SH3GL3: variants seen among roughly 807,000 people sequenced by gnomAD.
SH3GL3 encodes endophilin-A3.
Under a neutral mutation model 47.7 loss-of-function variants are expected in SH3GL3, and 33 were observed. The observed-to-expected ratio is 0.69, with a 90% confidence interval of 0.52 to 0.92. The LOEUF is 0.92. SH3GL3 is among the 40% of genes least tolerant of loss of function. The pLI, the probability that SH3GL3 is intolerant of heterozygous loss-of-function variation, is 0.00. For synonymous variants in SH3GL3, 155 were observed against 148.8 expected (o/e 1.04, Z -0.30); for missense variants, 363 against 417.8 (o/e 0.87, Z 1.14).
At chr15:83,615,779 ATTAT>A (rs1322561720) in intron 8 of SH3GL3, among the ~76,000 whole-genome samples, 2 of 152,204 alleles carry the variant, frequency 1.3e-5, no homozygotes, top group African/African-American at 2.4e-5. Flanking sequence ...GAAAATATGG[ATTAT>A]TTAAGTATGT....
intron 5 of SH3GL3, among the ~76,000 whole-genome samples, chr15:83,575,943 G>T (rs143661637): frequency 7.2e-5 from 11 of 152,082 alleles, no homozygotes; most frequent in African/African-American, 2.7e-4. Context: ...CTACTGCTAC[G>T]CAAGGCAGCC....
At position 83,453,510 on chromosome 15, in the gene SH3GL3, T is replaced by C. The variant is rs569554523; in HGVS notation, c.45+5932T>C. 8.7e-4 allele frequency among the ~76,000 whole-genome samples: 129 copies of C among 148,738 alleles called. 1 individual carries two copies. The South Asian group carries it at 0.018, about 21-fold the overall frequency. ...GCCTGTTATTGGTCTATTCAGAGAT[T>C]CAACTTCTTCCTGGTTTAGTCTTGG... is the stretch of plus-strand genomic sequence containing the variant. On this transcript the variant is annotated intron_variant, in intron 1 of 8. Coordinates refer to ENST00000427482, the MANE Select transcript of SH3GL3 (RefSeq NM_003027.5).
At chr15:83,492,422 A>G (rs1246533202) in intron 1 of SH3GL3, among the ~76,000 whole-genome samples, 4 of 149,136 alleles carry the variant, frequency 2.7e-5, no homozygotes, top group Non-Finnish European at 4.5e-5. Context: ...AAATACATGG[A>G]AAAAAAAAAG....
chr15:83,515,755 C>T (rs1366072498), intron 1 of SH3GL3, among the ~76,000 whole-genome samples: 2 of 152,170 alleles, frequency 1.3e-5, no homozygotes, highest in African/African-American at 4.8e-5. Context: ...AATAAAATTA[C>T]AAACCTAATA....
chr15:83,472,560 T>C (rs1341925834), intron 1 of SH3GL3, among the ~76,000 whole-genome samples: 1 of 152,220 alleles, frequency 6.6e-6, no homozygotes, highest in African/African-American at 2.4e-5. Context: ...AATTTCCATT[T>C]AGCTCTTCTT....
intron 1 of SH3GL3, among the ~76,000 whole-genome samples, chr15:83,534,635 C>G (rs571870256): frequency 7.2e-5 from 11 of 152,156 alleles, no homozygotes; most frequent in Admixed American, 5.9e-4. Flanking sequence ...TAAAAATTAA[C>G]TCCAGGTCCT....
intron 5 of SH3GL3, among the ~76,000 whole-genome samples, 155 bp from the exon 6 acceptor site, chr15:83,576,428 C>A (rs1024017909): frequency 6.6e-6 from 1 of 152,180 alleles, no homozygotes; most frequent in South Asian, 2.1e-4. Flanking sequence ...GAGCCTCCAT[C>A]AGGTGCTGAG....
intron 1 of SH3GL3, among the ~76,000 whole-genome samples, chr15:83,542,613 C>A (rs1290660999): frequency 6.6e-6 from 1 of 152,062 alleles, no homozygotes; most frequent in East Asian, 1.9e-4. Flanking sequence ...CATGAACTAT[C>A]TTTCTATTTC....
chr15:83,540,437 C>T (rs903817620), intron 1 of SH3GL3, among the ~76,000 whole-genome samples: 27 of 152,036 alleles, frequency 1.8e-4, no homozygotes, highest in Non-Finnish European at 3.5e-4. Flanking sequence ...ATGCTTTATA[C>T]ATCGTGAGGC....
At chr15:83,547,213 C>T (rs1166635910) in intron 1 of SH3GL3, among the ~76,000 whole-genome samples, 3 of 152,170 alleles carry the variant, frequency 2.0e-5, no homozygotes, top group Non-Finnish European at 4.4e-5. Flanking sequence ...TGGGGCTAGC[C>T]AGAACTCAGT....
chr15:83,569,707 T>C (rs2045723399), intron 4 of SH3GL3, among the ~76,000 whole-genome samples: 1 of 152,248 alleles, frequency 6.6e-6, no homozygotes, highest in Non-Finnish European at 1.5e-5. Flanking sequence ...TAACTGATCA[T>C]TTGATATGTA....
chr15:83,462,585 T>C (rs956170314), intron 1 of SH3GL3, among the ~76,000 whole-genome samples: 1 of 152,234 alleles, frequency 6.6e-6, no homozygotes, highest in Non-Finnish European at 1.5e-5. Flanking sequence ...TTTAGTTGAT[T>C]GCCCTTAGGC....
chr15:83,623,978 G>T, the SH3GL3 span, among the ~76,000 whole-genome samples: 1 of 152,050 alleles, frequency 6.6e-6, no homozygotes, highest in East Asian at 1.9e-4. Context: ...GTGGAGACGG[G>T]GTTTCACCAT....
At chr15:83,462,026 C>A (rs2040324927) in intron 1 of SH3GL3, among the ~76,000 whole-genome samples, 1 of 152,140 alleles carries the variant, frequency 6.6e-6, no homozygotes, top group African/African-American at 2.4e-5. Context: ...TTCTAGGTTC[C>A]TCTAATCCAA....
chr15:83,612,869 C>G (rs975218836), intron 8 of SH3GL3, among the ~76,000 whole-genome samples: 2 of 152,214 alleles, frequency 1.3e-5, no homozygotes, highest in Non-Finnish European at 2.9e-5. Context: ...CTCTCTCGCT[C>G]TTAAATCTTA....
chr15:83,540,724 G>A (rs1469719019), intron 1 of SH3GL3, among the ~76,000 whole-genome samples: 1 of 152,070 alleles, frequency 6.6e-6, no homozygotes, highest in Non-Finnish European at 1.5e-5. Context: ...ATTACAATGT[G>A]TAATGATTGT....
At chr15:83,512,634 C>T (rs868457927) in intron 1 of SH3GL3, among the ~76,000 whole-genome samples, 17 of 152,118 alleles carry the variant, frequency 1.1e-4, no homozygotes, top group Non-Finnish European at 2.4e-4. Context: ...GGTGGTAGGG[C>T]AGCATCATCG....
chr15:83,481,444 T>C (rs1250964644), intron 1 of SH3GL3, among the ~76,000 whole-genome samples: 6 of 152,210 alleles, frequency 3.9e-5, no homozygotes, highest in Admixed American at 3.9e-4. Context: ...CTTTGTTTTA[T>C]TGAGGTGGAG....
intron 8 of SH3GL3, among the ~76,000 whole-genome samples, chr15:83,612,014 A>AG (rs11376880): frequency 2.8e-4 from 3 of 10,590 alleles, no homozygotes; most frequent in Non-Finnish European, 4.2e-4. Context: ...GTTGTTGACC[A>AG]AAAAAAAAAA....
Sources: gnomAD v4.1 joint callset for allele counts (sites outside exome capture counted in the v4.1 genomes callset) on GRCh38, gnomAD v4.1.1 for gene constraint, MANE v1.5 for transcripts, NCBI Gene and HGNC (gene_info 2026-07-23, HGNC 2026-07-21) for gene names.